The following CIMIP4 variants were observed in gnomAD, a reference collection of about 807,000 sequenced individuals.
CIMIP4 encodes the protein protein EAN57.
chr22:36,997,748 T>C, the CIMIP4 span, among the ~76,000 whole-genome samples: 1 of 152,188 alleles, frequency 6.6e-6, no homozygotes, highest in Non-Finnish European at 1.5e-5. Context: ...TGGTTTCTCA[T>C]CTCACTCCGA....
the CIMIP4 span, among the ~76,000 whole-genome samples, chr22:37,004,187 C>T: frequency 6.6e-6 from 1 of 152,144 alleles, no homozygotes; most frequent in African/African-American, 2.4e-5. Context: ...CCCAGACCCA[C>T]GGAGCCTCTG....
the CIMIP4 span, chr22:37,002,117 T>C: frequency 6.4e-7 from 1 of 1,561,108 alleles, no homozygotes; most frequent in African/African-American, 1.4e-5. Flanking sequence ...AGGGGGAATC[T>C]CCTTCAAGTG....
At chr22:36,994,868 G>A in the CIMIP4 span, among the ~76,000 whole-genome samples, 1 of 152,028 alleles carries the variant, frequency 6.6e-6, no homozygotes, top group Admixed American at 6.5e-5. Flanking sequence ...CTGACCTCAT[G>A]ATCCACCCGC....
At chr22:36,993,122 C>T in the CIMIP4 span, among the ~76,000 whole-genome samples, 1 of 151,588 alleles carries the variant, frequency 6.6e-6, no homozygotes, top group East Asian at 1.9e-4. Context: ...ATCTACTCTC[C>T]TGCCTCAGCC....
the CIMIP4 span, among the ~76,000 whole-genome samples, chr22:37,006,778 T>C: frequency 0.84 from 127,708 of 152,156 alleles, 54,123 homozygotes; most frequent in African/African-American, 0.96. Context: ...GGTATAATTC[T>C]CTCCCCTTTG....
the CIMIP4 span, among the ~76,000 whole-genome samples, chr22:36,998,178 A>G: frequency 6.6e-6 from 1 of 152,192 alleles, no homozygotes; most frequent in Non-Finnish European, 1.5e-5. Context: ...ATTATCATAC[A>G]AAGTTGTATG....
chr22:36,999,582 G>GGGGAT, the CIMIP4 span, among the ~76,000 whole-genome samples: 1 of 64,110 alleles, frequency 1.6e-5, no homozygotes, highest in Non-Finnish European at 2.8e-5. Flanking sequence ...GGGGAGGGGA[G>GGGGAT]GGGGGGATGG....
chr22:37,006,988 T>C, the CIMIP4 span, among the ~76,000 whole-genome samples: 4 of 152,122 alleles, frequency 2.6e-5, no homozygotes, highest in East Asian at 7.7e-4. Flanking sequence ...GAACTCAGAG[T>C]GGCCTCTTGC....
the CIMIP4 span, among the ~76,000 whole-genome samples, chr22:37,006,370 G>T: frequency 6.6e-6 from 1 of 152,212 alleles, no homozygotes; most frequent in Non-Finnish European, 1.5e-5. Context: ...ACATTTGTGT[G>T]GCTGGATTTC....
the CIMIP4 span, among the ~76,000 whole-genome samples, chr22:36,999,341 A>G: frequency 6.8e-6 from 1 of 147,184 alleles, no homozygotes; most frequent in Admixed American, 6.8e-5. Context: ...TTAGCCAGGT[A>G]TGGTGGCGCG....
At chr22:37,003,874 G>T in the CIMIP4 span, 1 of 1,342,956 alleles carries the variant, frequency 7.4e-7, no homozygotes, top group Non-Finnish European at 1.0e-6. Flanking sequence ...AAGACGGAGC[G>T]GGAGGAGAAA....
the CIMIP4 span, among the ~76,000 whole-genome samples, chr22:36,999,531 GGGA>G: frequency 4.9e-5 from 2 of 41,040 alleles, no homozygotes; most frequent in East Asian, 8.8e-4. Context: ...GGGAGGGGAG[GGGA>G]GGGGAGGGGA....
At chr22:36,992,945 T>G in the CIMIP4 span, among the ~76,000 whole-genome samples, 4 of 150,122 alleles carry the variant, frequency 2.7e-5, no homozygotes, top group African/African-American at 9.7e-5. Flanking sequence ...ATATAAATTC[T>G]ATAAAATAAT....
chr22:36,995,820 T>TA, the CIMIP4 span, among the ~76,000 whole-genome samples: 3 of 152,204 alleles, frequency 2.0e-5, no homozygotes, highest in Non-Finnish European at 4.4e-5. Flanking sequence ...GTGAGTCTAT[T>TA]AAACCTCTTT....
chr22:37,001,092 C>T, the CIMIP4 span, among the ~76,000 whole-genome samples: 1 of 151,960 alleles, frequency 6.6e-6, no homozygotes, highest in Non-Finnish European at 1.5e-5. Context: ...TCTCAGAATG[C>T]CAGGACAGAA....
At chr22:37,004,519 C>T in the CIMIP4 span, among the ~76,000 whole-genome samples, 1,005 of 151,946 alleles carry the variant, frequency 6.6e-3, 14 homozygotes, top group African/African-American at 0.023. Context: ...GTCGTTCGTG[C>T]TCAGGGAAGG....
chr22:36,994,519 G>C, the CIMIP4 span, among the ~76,000 whole-genome samples: 1 of 151,898 alleles, frequency 6.6e-6, no homozygotes, highest in East Asian at 1.9e-4. Flanking sequence ...AGAGACATGC[G>C]CCATCATGCC....
At chr22:36,993,590 G>A in the CIMIP4 span, among the ~76,000 whole-genome samples, 89 of 151,728 alleles carry the variant, frequency 5.9e-4, 1 homozygote, top group East Asian at 0.012. Flanking sequence ...TTAGCCGGGC[G>A]TTGTGGCAGG....
the CIMIP4 span, among the ~76,000 whole-genome samples, chr22:36,994,620 G>A: frequency 8.4e-5 from 12 of 142,194 alleles, no homozygotes; most frequent in African/African-American, 1.6e-4. Context: ...GCCTGGCTCC[G>A]CCTCCTGAGA....
Sources: gnomAD v4.1 joint callset for allele counts (sites outside exome capture counted in the v4.1 genomes callset) on GRCh38, gnomAD v4.1.1 for gene constraint, MANE v1.5 for transcripts, NCBI Gene and HGNC (gene_info 2026-07-23, HGNC 2026-07-21) for gene names.